The following GPC5 variants were observed in gnomAD, a reference collection of about 807,000 sequenced individuals.
GPC5 encodes the protein glypican 5, also known as glypican-5.
In GPC5, 47 loss-of-function variants were observed where a neutral mutation model predicts 53.9. The observed-to-expected ratio is 0.87, with a 90% confidence interval of 0.69 to 1.11. The LOEUF (loss-of-function observed/expected upper bound fraction) is 1.11. Among genes scored for constraint, GPC5 ranks in the 50% most tolerant of loss-of-function variants. GPC5 has a pLI of 0.00. For synonymous variants in GPC5, 286 were observed against 263.3 expected, an observed-to-expected ratio of 1.09 and a Z score of -0.84; for missense variants, 748 against 713.1, an observed-to-expected ratio of 1.05 and a Z score of -0.56.
intron 7 of GPC5, among the ~76,000 whole-genome samples, chr13:92,678,124 CA>C (rs1477344967): frequency 1.4e-4 from 21 of 152,088 alleles, no homozygotes; most frequent in Admixed American, 7.9e-4. Flanking sequence ...TTTTATTCAA[CA>C]AATGTTCAAT....
intron 5 of GPC5, among the ~76,000 whole-genome samples, chr13:91,770,344 G>A (rs762067366): frequency 1.3e-5 from 2 of 152,098 alleles, no homozygotes; most frequent in Non-Finnish European, 2.9e-5. Context: ...ATCAATCATT[G>A]AGTATTAATC....
intron 6 of GPC5, among the ~76,000 whole-genome samples, chr13:92,028,019 T>C (rs532319550): frequency 1.6e-4 from 24 of 152,300 alleles, no homozygotes; most frequent in African/African-American, 4.8e-4. Flanking sequence ...TAGAGGTTAG[T>C]AAAAAGTAAA....
Position 92,276,266 on chromosome 13 carries a change from A to G in GPC5, c.1561+131277A>G, listed in dbSNP as rs1456975805. Among the ~76,000 whole-genome samples, 3 of 152,092 alleles carry G rather than the reference A, an allele frequency of 2.0e-5. No individual in the cohort carries two copies. The East Asian group carries it at 5.8e-4, about 29-fold the overall frequency. On this transcript the variant is annotated intron_variant, in intron 7 of 7. Coordinates refer to ENST00000377067, the MANE Select transcript of GPC5 (RefSeq NM_004466.6). ...GGGTTTAAATTTCACAGATGTCTAA[A>G]CTCATTTAAAAATTAAACTGCAATA...
intron 7 of GPC5, among the ~76,000 whole-genome samples, chr13:92,242,815 G>T (rs1356251162): frequency 1.3e-5 from 2 of 151,912 alleles, no homozygotes; most frequent in Non-Finnish European, 2.9e-5. Flanking sequence ...AAAGAGTTAC[G>T]GTCTTTATAT....
chr13:91,844,553 G>T (rs1308856118), intron 5 of GPC5, among the ~76,000 whole-genome samples: 2 of 152,154 alleles, frequency 1.3e-5, no homozygotes, highest in African/African-American at 4.8e-5. Flanking sequence ...AACAAACTCT[G>T]CAGTGGCCAC....
intron 7 of GPC5, among the ~76,000 whole-genome samples, chr13:92,216,885 G>C (rs577626413): frequency 7.9e-5 from 12 of 151,726 alleles, no homozygotes; most frequent in African/African-American, 2.9e-4. Context: ...AGGTTGAGGC[G>C]TGAGAATTAC....
intron 7 of GPC5, among the ~76,000 whole-genome samples, chr13:92,446,061 C>T (rs1877811506): frequency 6.6e-6 from 1 of 152,070 alleles, no homozygotes; most frequent in Non-Finnish European, 1.5e-5. Flanking sequence ...ACTGGACTGT[C>T]TATCACCTCA....
chr13:91,462,971 G>C (rs1025572548), intron 2 of GPC5, among the ~76,000 whole-genome samples: 3 of 151,940 alleles, frequency 2.0e-5, no homozygotes, highest in African/African-American at 7.2e-5. Context: ...TATATTTAAT[G>C]ATTGGTACCA....
At chr13:91,769,667 T>C (rs987083066) in intron 5 of GPC5, among the ~76,000 whole-genome samples, 11 of 152,202 alleles carry the variant, frequency 7.2e-5, no homozygotes, top group Admixed American at 5.9e-4. Flanking sequence ...GGAATGAGAC[T>C]GTAGCTTGGG....
intron 6 of GPC5, among the ~76,000 whole-genome samples, chr13:92,009,561 C>T (rs906233510): frequency 1.3e-5 from 2 of 152,160 alleles, no homozygotes; most frequent in Admixed American, 1.3e-4. Context: ...AGAGTTTTAT[C>T]TTACACATAT....
At chr13:91,709,689 CTATATTT>C (rs1186806526) in intron 3 of GPC5, among the ~76,000 whole-genome samples, 1 of 152,176 alleles carries the variant, frequency 6.6e-6, no homozygotes, top group African/African-American at 2.4e-5. Context: ...TATTTATTTT[CTATATTT>C]TATATTGATT....
chr13:92,521,536 C>T (rs1005535096), intron 7 of GPC5, among the ~76,000 whole-genome samples: 2 of 152,164 alleles, frequency 1.3e-5, no homozygotes, highest in African/African-American at 4.8e-5. Flanking sequence ...AAAGGATTCC[C>T]TATTTAATAA....
chr13:91,586,152 G>T (rs11843130), intron 2 of GPC5, among the ~76,000 whole-genome samples: 9,383 of 151,418 alleles, frequency 0.062, 949 homozygotes, highest in African/African-American at 0.21. Flanking sequence ...CTTTAAATAT[G>T]ATAGACAAAC....
At chr13:91,799,854 A>C (rs1056689868) in intron 5 of GPC5, among the ~76,000 whole-genome samples, 1 of 152,158 alleles carries the variant, frequency 6.6e-6, no homozygotes, top group Non-Finnish European at 1.5e-5. Context: ...CACAAACATG[A>C]ATATTATTGC....
chr13:91,819,560 A>G lies in GPC5; in HGVS notation c.1280+63140A>G, dbSNP rs149968826. 7.2e-4 allele frequency among the ~76,000 whole-genome samples: 110 copies of G among 152,316 alleles called. 1 individual carries two copies. The highest frequency in any genetic ancestry group is 2.5e-3 in the African/African-American group (104 of 41,574). On this transcript the variant is annotated intron_variant, in intron 5 of 7. Coordinates refer to ENST00000377067, the MANE Select transcript of GPC5 (RefSeq NM_004466.6). The stretch of plus-strand genomic sequence containing the variant: ...ATCTACTGCTCAATATTTTGTTTGT[A>G]AAATCCATCTATATTATTGCGTACA...
chr13:92,361,526 G>A (rs979464534), intron 7 of GPC5, among the ~76,000 whole-genome samples: 21 of 151,762 alleles, frequency 1.4e-4, no homozygotes, highest in Middle Eastern at 3.4e-3. Flanking sequence ...TGAGTTGAGC[G>A]GGTAAGAAAG....
chr13:92,077,439 C>G (rs1015348315), intron 6 of GPC5, among the ~76,000 whole-genome samples: 1 of 152,158 alleles, frequency 6.6e-6, no homozygotes, highest in Admixed American at 6.5e-5. Context: ...GATCTGAGCC[C>G]TAATTCCTAA....
chr13:92,775,168 A>G (rs1427827598), intron 7 of GPC5, among the ~76,000 whole-genome samples: 1 of 152,202 alleles, frequency 6.6e-6, no homozygotes, highest in Non-Finnish European at 1.5e-5. Flanking sequence ...AGACAGTGTG[A>G]TACAAACAAA....
intron 7 of GPC5, among the ~76,000 whole-genome samples, chr13:92,297,958 G>T (rs1271409536): frequency 6.6e-6 from 1 of 152,012 alleles, no homozygotes; most frequent in Admixed American, 6.6e-5. Context: ...CTCCAGATGT[G>T]CCACCTTAAG....
Sources: gnomAD v4.1 joint callset for allele counts (sites outside exome capture counted in the v4.1 genomes callset) on GRCh38, gnomAD v4.1.1 for gene constraint, MANE v1.5 for transcripts, NCBI Gene and HGNC (gene_info 2026-07-23, HGNC 2026-07-21) for gene names.